PDHA1: variants seen among roughly 807,000 people sequenced by gnomAD.
PDHA1 encodes pyruvate dehydrogenase E1 component subunit alpha, somatic form, mitochondrial.
Under a neutral mutation model 33.0 loss-of-function variants are expected in PDHA1, and 1 was observed. That is an observed-to-expected ratio of 0.03 (90% CI 0.01 to 0.14). PDHA1 has a LOEUF of 0.14. Among genes scored for constraint, PDHA1 ranks in the 10% least tolerant of loss-of-function variants. The pLI is 1.00. For missense variants in PDHA1, 168 were observed against 325.1 expected, an observed-to-expected ratio of 0.52 and a Z score of 3.72; for synonymous variants, 123 against 119.2, an observed-to-expected ratio of 1.03 and a Z score of -0.21.
At chrX:19,344,750 T>C (rs1185756609) in intron 1 of PDHA1, among the ~76,000 whole-genome samples, 1 of 113,011 alleles carries the variant, frequency 8.8e-6, no homozygotes, top group African/African-American at 3.2e-5. Context: ...TGGAAACGAT[T>C]CCAAATAGCA....
In PDHA1 at chrX:19,360,155, C is replaced by CATAACTTAGTTTTCTCTACT. The variant is rs1241268443; in HGVS notation, c.*503_*522dup. On this transcript the variant is annotated 3_prime_UTR_variant, in exon 11 of 11. Coordinates refer to ENST00000422285, the MANE Select transcript of PDHA1 (RefSeq NM_000284.4). The stretch of plus-strand genomic sequence containing the variant: ...AATTTTGTAATCATTTCAAAGGCCA[C>CATAACTTAGTTTTCTCTACT]ATAACTTAGTTTTCTCTACTTACAC... The CATAACTTAGTTTTCTCTACT allele has an allele frequency of 6.6e-6, 1 of 152,483 alleles. No individual in the cohort carries two copies. The highest frequency in any genetic ancestry group is 3.1e-5 in the African/African-American group (1 of 31,765). The allele number at this position is 152,483 out of a possible 1,213,427, so 12.6% of individuals were successfully genotyped here.
At chrX:19,345,518 G>A (rs1435579930) in intron 1 of PDHA1, among the ~76,000 whole-genome samples, 3 of 102,690 alleles carry the variant, frequency 2.9e-5, no homozygotes, top group African/African-American at 7.2e-5. Context: ...TGCAGTGAGC[G>A]GAGATCGTGC....
Position 19,361,585 on chromosome X carries a change from CTG to C in PDHA1, c.*1934_*1935del. The C allele has an allele frequency of 8.4e-7, 1 of 1,186,943 alleles. No individual in the cohort carries two copies. The highest frequency in any genetic ancestry group is 1.1e-6 in the Non-Finnish European group (1 of 875,052). ...TGCCCGTAGGGGCCTGCTGGGTTCT[CTG>C]TAATACCTGTAACGATTGGCAATTT... On this transcript the variant is annotated 3_prime_UTR_variant, in exon 11 of 11. Coordinates refer to ENST00000422285, the MANE Select transcript of PDHA1 (RefSeq NM_000284.4).
chrX:19,345,122 A>ACC (rs374315241), intron 1 of PDHA1, among the ~76,000 whole-genome samples: 43 of 109,864 alleles, frequency 3.9e-4, no homozygotes, highest in African/African-American at 1.3e-3. Flanking sequence ...TAGCATTCTG[A>ACC]CCCCCCTAGG....
Position 19,361,213 on chromosome X carries a change from TC to T in PDHA1, c.*1563del, listed in dbSNP as rs1037093465. 1.3e-5 allele frequency: 7 copies of T among 558,373 alleles called. No homozygotes were observed. In the African/African-American group the frequency reaches 1.6e-4, roughly 13 times the overall value. 46.0% of individuals were successfully genotyped at this position (558,373 alleles called of 1,213,427 possible). On this transcript the variant is annotated 3_prime_UTR_variant, in exon 11 of 11. Transcript: ENST00000422285. ...CAGTTTCTGCCCCACCTTGGCTTTT[TC>T]CCAGCTTGAACCTAATAGAACTCCA...
chrX:19,354,867 A>G (rs2063185062), intron 6 of PDHA1, among the ~76,000 whole-genome samples: 1 of 112,541 alleles, frequency 8.9e-6, no homozygotes, highest in Admixed American at 9.4e-5. Flanking sequence ...CTATTGCAAA[A>G]CAATACAGAC....
At position 19,349,861 on chromosome X, in the gene PDHA1, G is replaced by A. The variant is rs144420560; in HGVS notation, c.118-76G>A. On this transcript the variant is annotated intron_variant, in intron 2 of 10. Coordinates refer to ENST00000422285, the MANE Select transcript of PDHA1 (RefSeq NM_000284.4). The stretch of plus-strand genomic sequence containing the variant: ...TTCAAGTTCAATATTATTTGCAATG[G>A]AGTTAGATCTTAGAGTGGTCAACAG... The A allele has an allele frequency of 4.6e-3, 3,727 of 802,650 alleles. 96 individuals are homozygous for A. The African/African-American group carries it at 0.065, about 14-fold the overall frequency. 66.1% of individuals were successfully genotyped at this position (802,650 alleles called of 1,213,427 possible). A position where few individuals can be genotyped will look rare whatever the true frequency, so the allele number is the denominator to read the frequency against.
At chrX:19,350,223 A>G in intron 3 of PDHA1, 113 bp downstream of exon 3, 2 of 584,182 alleles carry the variant, frequency 3.4e-6, no homozygotes, top group East Asian at 6.6e-5. Flanking sequence ...TGGTAATGTA[A>G]TTTTCTTTTA....
intron 8 of PDHA1, chrX:19,357,425 G>A: frequency 4.6e-6 from 2 of 430,134 alleles, no homozygotes; most frequent in South Asian, 3.2e-5. Context: ...AAAACAAGCT[G>A]TTGGCAGATT....
rs1455097408 is a variant in PDHA1 at position 19,359,028 on chromosome X, C to CAGTCACTTGTTCATGGTGGTTTG, written c.1008+6_1008+28dup. 3 of 1,109,424 alleles carry CAGTCACTTGTTCATGGTGGTTTG rather than the reference C, an allele frequency of 2.7e-6. No individual in the cohort carries two copies. The highest frequency in any genetic ancestry group is 3.7e-6 in the Non-Finnish European group (3 of 802,268). The allele number at this position is 1,109,424 out of a possible 1,213,427, so 91.4% of individuals were successfully genotyped here. A position where few individuals can be genotyped will look rare whatever the true frequency, so the allele number is the denominator to read the frequency against. On this transcript the variant is annotated splice_donor_region_variant and intron_variant, in intron 10 of 10. Transcript: ENST00000422285. Reference sequence around the variant, plus strand: ...TGCCAGTGTGGAAGAACTAAAGGTACAGTCACTTGTTCATGGTGGTTTGAA... The same window carrying CAGTCACTTGTTCATGGTGGTTTG: ...TGCCAGTGTGGAAGAACTAAAGGTACAGTCACTTGTTCATGGTGGTTTGAGTCACTTGTTCATGGTGGTTTGAA...
In PDHA1 at chrX:19,361,348, A is replaced by C; in HGVS notation, c.*1695A>C. 8.3e-7 allele frequency: 1 copy of C among 1,203,562 alleles called. No individual in the cohort carries two copies. Among genetic ancestry groups the C allele is most frequent in the Non-Finnish European group, 1.1e-6 (1 of 888,989 alleles). ...GTTTTGAGGCTCTTACCGTAGTCGAAGGTATCTTAGATCTTCCTTAGTGAT... is the reference window on the plus strand; with the variant it reads ...GTTTTGAGGCTCTTACCGTAGTCGACGGTATCTTAGATCTTCCTTAGTGAT... On this transcript the variant is annotated 3_prime_UTR_variant, in exon 11 of 11. Transcript: ENST00000422285.
intron 4 of PDHA1, among the ~76,000 whole-genome samples, chrX:19,352,212 C>G (rs1416355511): frequency 2.0e-5 from 2 of 101,765 alleles, no homozygotes; most frequent in Non-Finnish European, 3.9e-5. Flanking sequence ...TGTGCCCGGT[C>G]CTCCTCCTCC....
chrX:19,348,972 A>G (rs142271856), intron 1 of PDHA1, among the ~76,000 whole-genome samples: 1,151 of 112,326 alleles, frequency 0.01, 16 homozygotes, highest in African/African-American at 0.036. Flanking sequence ...AGAATGGCAT[A>G]AACAGACACA....
Position 19,361,641 on chromosome X carries a change from T to C in PDHA1, c.*1988T>C, listed in dbSNP as rs745807211. On this transcript the variant is annotated 3_prime_UTR_variant, in exon 11 of 11. Coordinates refer to ENST00000422285, the MANE Select transcript of PDHA1 (RefSeq NM_000284.4). ...ATATATTAGTCTAACCATAAAACTCTTCAAAAGTAACCAGTTGGATTAATA... is the reference window on the plus strand; with the variant it reads ...ATATATTAGTCTAACCATAAAACTCCTCAAAAGTAACCAGTTGGATTAATA... 7.2e-5 allele frequency: 63 copies of C among 878,758 alleles called. 2 individuals carry two copies. In the South Asian group the frequency reaches 1.3e-3, roughly 18 times the overall value. 72.4% of individuals were successfully genotyped at this position (878,758 alleles called of 1,213,427 possible). A position where few individuals can be genotyped will look rare whatever the true frequency, so the allele number is the denominator to read the frequency against.
rs778642797 is a variant in PDHA1, at chrX:19,361,612, T to C, written c.*1959T>C. On this transcript the variant is annotated 3_prime_UTR_variant, in exon 11 of 11. Coordinates refer to ENST00000422285, the MANE Select transcript of PDHA1 (RefSeq NM_000284.4). ...GTAATACCTGTAACGATTGGCAATT[T>C]GTTATATATTAGTCTAACCATAAAA... 2 of 1,077,591 alleles carry C rather than the reference T, an allele frequency of 1.9e-6. No individual in the cohort carries two copies. The highest frequency in any genetic ancestry group is 6.0e-5 in the East Asian group (2 of 33,245). 88.8% of individuals were successfully genotyped at this position (1,077,591 alleles called of 1,213,427 possible).
At chrX:19,345,353 C>T (rs1348782347) in intron 1 of PDHA1, among the ~76,000 whole-genome samples, 9 of 109,581 alleles carry the variant, frequency 8.2e-5, no homozygotes, top group African/African-American at 3.0e-4. Context: ...GGTGGATCAC[C>T]TGAGGTCAGA....
chrX:19,357,844 G>A (rs2147184753), intron 9 of PDHA1, 125 bp downstream of exon 9: 1 of 559,460 alleles, frequency 1.8e-6, no homozygotes, highest in African/African-American at 2.3e-5. Flanking sequence ...ACGCAGTTGT[G>A]TTGGGCATCA....
chrX:19,360,592 A>G lies in PDHA1; in HGVS notation c.*939A>G, dbSNP rs1241992456. The stretch of plus-strand genomic sequence containing the variant: ...TTTATAAATAACAGGTTTCAAAAGA[A>G]ACTCAGGACAGTATTTAAAACAAGT... On this transcript the variant is annotated 3_prime_UTR_variant, in exon 11 of 11. Coordinates refer to ENST00000422285, the MANE Select transcript of PDHA1 (RefSeq NM_000284.4). 6 of 431,747 alleles carry G rather than the reference A, an allele frequency of 1.4e-5. No homozygotes were observed. Among genetic ancestry groups the G allele is most frequent in the Non-Finnish European group, 2.4e-5 (6 of 251,229 alleles). The allele number at this position is 431,747 out of a possible 1,213,427, so 35.6% of individuals were successfully genotyped here.
At position 19,360,739 on chromosome X, in the gene PDHA1, C is replaced by A. The variant is rs1190707899; in HGVS notation, c.*1086C>A. 8.4e-7 allele frequency: 1 copy of A among 1,194,090 alleles called. No individual in the cohort carries two copies. Among genetic ancestry groups the A allele is most frequent in the East Asian group, 3.0e-5 (1 of 33,728 alleles). On this transcript the variant is annotated 3_prime_UTR_variant, in exon 11 of 11. Transcript: ENST00000422285. ...GGTGGGACACTCTGCCACAGCTTAGCTGATTGGTATCAAGCCTTGTCTTTG... is the reference window on the plus strand; with the variant it reads ...GGTGGGACACTCTGCCACAGCTTAGATGATTGGTATCAAGCCTTGTCTTTG...
Sources: allele counts gnomAD v4.1 joint callset (sites outside exome capture counted in the v4.1 genomes callset), GRCh38; gene constraint gnomAD v4.1.1; transcripts MANE v1.5; gene names NCBI Gene and HGNC (gene_info 2026-07-23, HGNC 2026-07-21).